Variants in PRR5L observed in about 807,000 individuals in gnomAD.
PRR5L encodes proline-rich protein 5-like.
In PRR5L, 21 loss-of-function variants were observed where a neutral mutation model predicts 36.4. The observed-to-expected ratio is 0.58, with a 90% CI of 0.41 to 0.83. The LOEUF (loss-of-function observed/expected upper bound fraction) is 0.83, where lower values mean the gene tolerates loss of function less well. PRR5L is among the 40% of genes least tolerant of loss of function. PRR5L has a pLI of 0.00. For synonymous variants in PRR5L, 188 were observed against 197.0 expected (o/e 0.95, Z 0.38); for missense variants, 381 against 473.3 (o/e 0.80, Z 1.81).
At chr11:36,303,810 A>G (rs192079375) in intron 1 of PRR5L, among the ~76,000 whole-genome samples, 1 of 152,378 alleles carries the variant, frequency 6.6e-6, no homozygotes, top group Admixed American at 6.5e-5. Context: ...ATACATGGTC[A>G]TGTCCCTCTA....
At chr11:36,307,155 C>T (rs1020360536) in intron 1 of PRR5L, among the ~76,000 whole-genome samples, 2 of 152,158 alleles carry the variant, frequency 1.3e-5, no homozygotes, top group African/African-American at 4.8e-5. Context: ...CTAGAAGGCA[C>T]CAAAAAGCCC....
At chr11:36,405,507 G>A (rs1857891176) in intron 3 of PRR5L, among the ~76,000 whole-genome samples, 1 of 152,112 alleles carries the variant, frequency 6.6e-6, no homozygotes, top group Non-Finnish European at 1.5e-5. Context: ...AAAATGCTAG[G>A]TGCCTTTCTC....
chr11:36,360,033 T>TCA (rs34561988), intron 1 of PRR5L, among the ~76,000 whole-genome samples: 138 of 146,680 alleles, frequency 9.4e-4, no homozygotes, highest in African/African-American at 1.6e-3. Flanking sequence ...TGAGACTCTG[T>TCA]CACACACACA....
intron 1 of PRR5L, among the ~76,000 whole-genome samples, chr11:36,336,529 C>CTTTTTTT (rs36024089): frequency 9.6e-6 from 1 of 104,266 alleles, no homozygotes; most frequent in Non-Finnish European, 2.0e-5. Flanking sequence ...CGCGCCTGGC[C>CTTTTTTT]TTTTTTTTTT....
chr11:36,335,103 T>TTAAGACAG (rs1856755919), intron 1 of PRR5L, among the ~76,000 whole-genome samples: 1 of 148,388 alleles, frequency 6.7e-6, no homozygotes, highest in Admixed American at 6.6e-5. Context: ...TTTTTTTCTT[T>TTAAGACAG]TAAGACAGAG....
intron 1 of PRR5L, among the ~76,000 whole-genome samples, chr11:36,331,825 G>A (rs1017582185): frequency 2.0e-5 from 3 of 152,196 alleles, no homozygotes; most frequent in African/African-American, 7.2e-5. Flanking sequence ...GTGATTCAAA[G>A]AGGTGGTTAT....
intron 7 of PRR5L, among the ~76,000 whole-genome samples, chr11:36,449,797 G>A (rs1015175972): frequency 6.6e-6 from 1 of 152,206 alleles, no homozygotes; most frequent in African/African-American, 2.4e-5. Context: ...CCTTCCTAGA[G>A]GGCTGTGCAC....
intron 4 of PRR5L, among the ~76,000 whole-genome samples, chr11:36,420,822 G>A (rs1025076328): frequency 7.2e-6 from 1 of 138,088 alleles, no homozygotes; most frequent in Non-Finnish European, 1.6e-5. Flanking sequence ...AGAATGACAT[G>A]TCAGTTGTTT....
chr11:36,312,734 C>T (rs140222685), intron 1 of PRR5L, among the ~76,000 whole-genome samples: 2 of 152,370 alleles, frequency 1.3e-5, no homozygotes, highest in East Asian at 1.9e-4. Context: ...TGAAGTATAA[C>T]ATACAGCGTG....
At chr11:36,404,554 C>G (rs574237829) in intron 3 of PRR5L, among the ~76,000 whole-genome samples, 197 of 152,252 alleles carry the variant, frequency 1.3e-3, no homozygotes, top group African/African-American at 4.6e-3. Flanking sequence ...GCGTGAGCCA[C>G]TGTGCCTGGC....
intron 1 of PRR5L, among the ~76,000 whole-genome samples, chr11:36,351,307 TTTA>T (rs1856944032): frequency 1.4e-5 from 1 of 73,054 alleles, no homozygotes; most frequent in African/African-American, 5.1e-5. Flanking sequence ...TATATATATA[TTTA>T]TATATATTTA....
intron 1 of PRR5L, among the ~76,000 whole-genome samples, chr11:36,378,161 G>T (rs1330301340): frequency 1.3e-5 from 2 of 152,186 alleles, no homozygotes; most frequent in African/African-American, 4.8e-5. Flanking sequence ...GGGGTGGAAG[G>T]CGCTGTTACT....
chr11:36,299,853 C>T (rs1382741271), intron 1 of PRR5L, among the ~76,000 whole-genome samples: 3 of 152,112 alleles, frequency 2.0e-5, no homozygotes, highest in Non-Finnish European at 4.4e-5. Context: ...ATGTTTTCTT[C>T]TTAGCAGAAA....
chr11:36,412,249 T>C (rs1361540953), intron 3 of PRR5L, among the ~76,000 whole-genome samples: 1 of 152,120 alleles, frequency 6.6e-6, no homozygotes, highest in African/African-American at 2.4e-5. Context: ...TATATTAAAA[T>C]TGAGGATATT....
In PRR5L at chr11:36,444,042, A is replaced by C. The variant is rs1858777711; in HGVS notation, c.445-2258A>C. 2.6e-5 allele frequency among the ~76,000 whole-genome samples: 4 copies of C among 152,224 alleles called. No individual in the cohort carries two copies. In the South Asian group the frequency reaches 8.3e-4, roughly 31 times the overall value. ...GAGTAATTTTCCTTTGCAGGAGAAT[A>C]ATCTGGATATGCTGATAAAATATGC... On this transcript the variant is annotated intron_variant, in intron 6 of 8. Coordinates refer to ENST00000530639, the MANE Select transcript of PRR5L (RefSeq NM_001160167.2).
intron 1 of PRR5L, among the ~76,000 whole-genome samples, chr11:36,338,877 G>A (rs1856792700): frequency 1.3e-5 from 2 of 152,048 alleles, no homozygotes; most frequent in Admixed American, 1.3e-4. Context: ...GAATTCCCAC[G>A]TGCTGTGGGA....
chr11:36,355,920 T>C (rs1274560712), intron 1 of PRR5L, among the ~76,000 whole-genome samples: 1 of 151,804 alleles, frequency 6.6e-6, no homozygotes, highest in African/African-American at 2.4e-5. Flanking sequence ...CTTTGCTTTT[T>C]TTTTTCTTTT....
At chr11:36,409,985 G>C (rs1857991268) in intron 3 of PRR5L, among the ~76,000 whole-genome samples, 2 of 152,290 alleles carry the variant, frequency 1.3e-5, no homozygotes, top group South Asian at 4.1e-4. Context: ...GATGTACCTG[G>C]ACATAGGTTC....
intron 1 of PRR5L, among the ~76,000 whole-genome samples, chr11:36,361,067 C>A (rs1012490066): frequency 1.3e-5 from 2 of 152,196 alleles, no homozygotes; most frequent in Admixed American, 6.5e-5. Flanking sequence ...TGGTCCCCAC[C>A]TATGTAACTC....
Sources: allele counts gnomAD v4.1 joint callset (sites outside exome capture counted in the v4.1 genomes callset), GRCh38; gene constraint gnomAD v4.1.1; transcripts MANE v1.5; gene names NCBI Gene and HGNC (gene_info 2026-07-23, HGNC 2026-07-21).